The following TTI1 variants were observed in gnomAD, a reference collection of about 807,000 sequenced individuals.
TTI1 encodes the protein TELO2-interacting protein 1 homolog.
TTI1 carries 52 observed loss-of-function variants against 85.4 expected under a neutral mutation model. That is an observed-to-expected ratio of 0.61 (90% CI 0.49 to 0.77). The LOEUF (loss-of-function observed/expected upper bound fraction) is 0.77. TTI1 is among the 30% of genes least tolerant of loss of function. The pLI is 0.00. For synonymous variants in TTI1, 512 were observed against 503.9 expected (o/e 1.02, Z -0.22); for missense variants, 1,173 against 1,296.0 (o/e 0.91, Z 1.46).
rs1358673426 is a variant in TTI1 at position 37,999,194 on chromosome 20, G to T, written c.2787C>A (p.Ala929=). ...TRDAPLAVLR[A]FKVLRTLGSK... ...GGGGATGCTGGTGCAGTACCTTGAAGGCTCTAAGCACTGCCAGGGGGGCGT... is the reference window on the plus strand; with the variant it reads ...GGGGATGCTGGTGCAGTACCTTGAATGCTCTAAGCACTGCCAGGGGGGCGT... Residue 929 remains alanine (A), a synonymous_variant, in exon 5 of 8, where the codon GCC becomes GCA. Coordinates refer to ENST00000373447, the MANE Select transcript of TTI1 (RefSeq NM_001303457.2). The T allele has an allele frequency of 1.4e-6, 2 of 1,443,540 alleles. No homozygotes were observed. The highest frequency in any genetic ancestry group is 2.6e-5 in the Admixed American group (1 of 38,998). The allele number at this position is 1,443,540 out of a possible 1,614,324, so 89.4% of individuals were successfully genotyped here.
intron 7 of TTI1, among the ~76,000 whole-genome samples, chr20:37,992,250 A>T (rs1324777256): frequency 6.6e-6 from 1 of 151,968 alleles, no homozygotes; most frequent in Admixed American, 6.6e-5. Context: ...TTTTTCTATT[A>T]TGAGACTTGT....
At chr20:38,031,461 T>C (rs1007237407) in intron 1 of TTI1, among the ~76,000 whole-genome samples, 1 of 152,232 alleles carries the variant, frequency 6.6e-6, no homozygotes, top group African/African-American at 2.4e-5. Context: ...AAATGACATC[T>C]TATCAATGAG....
chr20:38,026,682 G>A (rs1162551174), intron 1 of TTI1, among the ~76,000 whole-genome samples: 1 of 152,160 alleles, frequency 6.6e-6, no homozygotes, highest in Admixed American at 6.5e-5. Context: ...GCTAAAGAAA[G>A]TTCTCTAAAC....
At chr20:38,008,255 A>C (rs1203228567) in intron 2 of TTI1, among the ~76,000 whole-genome samples, 1 of 152,134 alleles carries the variant, frequency 6.6e-6, no homozygotes. Flanking sequence ...ATACCCTTTA[A>C]ACCAGCATTT....
intron 1 of TTI1, among the ~76,000 whole-genome samples, chr20:38,022,407 T>C (rs1279611053): frequency 6.6e-6 from 1 of 152,246 alleles, no homozygotes; most frequent in East Asian, 1.9e-4. Flanking sequence ...GTTTGTTTAC[T>C]GTTTCTCTCC....
intron 1 of TTI1, among the ~76,000 whole-genome samples, chr20:38,031,646 T>C (rs1464113175): frequency 6.6e-6 from 1 of 152,230 alleles, no homozygotes; most frequent in Non-Finnish European, 1.5e-5. Flanking sequence ...AACGTGGATT[T>C]TGTCTGTTAG....
intron 1 of TTI1, among the ~76,000 whole-genome samples, chr20:38,016,491 G>C (rs2073684685): frequency 6.6e-6 from 1 of 152,164 alleles, no homozygotes; most frequent in Admixed American, 6.5e-5. Flanking sequence ...AACCGTAATA[G>C]AGCTAATGAA....
At chr20:38,002,498 C>T (rs2073439622) in intron 4 of TTI1, 130 bp downstream of exon 4, 12 of 1,195,442 alleles carry the variant, frequency 1.0e-5, no homozygotes, top group Non-Finnish European at 1.2e-5. Context: ...CCTTTTGATG[C>T]CTTCTCTTGG....
At chr20:38,026,371 C>T (rs1185869837) in intron 1 of TTI1, among the ~76,000 whole-genome samples, 1 of 152,150 alleles carries the variant, frequency 6.6e-6, no homozygotes, top group African/African-American at 2.4e-5. Context: ...GTTGGCCAGG[C>T]TGGTCTCAAA....
chr20:37,998,874 TCTC>T (rs2073379465), intron 5 of TTI1, among the ~76,000 whole-genome samples: 2 of 152,222 alleles, frequency 1.3e-5, no homozygotes, highest in South Asian at 4.1e-4. Context: ...TTCCTTAACT[TCTC>T]TGAGCTTCTT....
chr20:38,032,330 G>A (rs974007426), intron 1 of TTI1, among the ~76,000 whole-genome samples: 1 of 152,226 alleles, frequency 6.6e-6, no homozygotes, highest in Non-Finnish European at 1.5e-5. Context: ...GTAAAAGCAT[G>A]TAAGCAAAGA....
chr20:38,012,823 G>A lies in TTI1; in HGVS notation c.994C>T (p.Leu332Phe). 1.2e-6 allele frequency: 2 copies of A among 1,614,196 alleles called. No homozygotes were observed. The highest frequency in any genetic ancestry group is 1.7e-6 in the Non-Finnish European group (2 of 1,180,032). ...ACTAGTCCCACTAAGGCCTTCAGAAGGGGACCAGCACATTCGACCAATGAT... is the reference window on the plus strand; with the variant it reads ...ACTAGTCCCACTAAGGCCTTCAGAAAGGGACCAGCACATTCGACCAATGAT... The part of the protein sequence containing the change: ...SQSLVECAGP[L>F]LKALVGLVND... Residue 332 changes from leucine to phenylalanine, a missense_variant, in exon 2 of 8, where the codon CTT (leucine) becomes TTT (phenylalanine). By Grantham distance (22) the Leu-to-Phe change is conservative. Coordinates refer to ENST00000373447, the MANE Select transcript of TTI1 (RefSeq NM_001303457.2).
At chr20:37,997,439 AAC>A (rs1315506104) in intron 5 of TTI1, among the ~76,000 whole-genome samples, 2 of 152,210 alleles carry the variant, frequency 1.3e-5, no homozygotes, top group Non-Finnish European at 2.9e-5. Context: ...CCCTGGGCTG[AAC>A]CAAGGCAGGG....
At position 37,999,278 on chromosome 20, in the gene TTI1, G is replaced by A. The variant is rs201440713; in HGVS notation, c.2703C>T (p.Asn901=). 3.3e-6 allele frequency: 5 copies of A among 1,524,608 alleles called. No individual in the cohort carries two copies. The East Asian group carries it at 1.0e-4, about 31-fold the overall frequency. 94.4% of individuals were successfully genotyped at this position (1,524,608 alleles called of 1,614,324 possible). A position where few individuals can be genotyped will look rare whatever the true frequency, so the allele number is the denominator to read the frequency against. The change falls in exon 5 of 8, where the codon AAC becomes AAT. Residue 901 remains asparagine, a synonymous_variant. Coordinates refer to ENST00000373447, the MANE Select transcript of TTI1 (RefSeq NM_001303457.2). ...LCVVVLQSHK[N]QLLPLAHQAW... is the part of the protein sequence containing the mutation. The stretch of plus-strand genomic sequence containing the variant: ...CCTGATGAGCCAAGGGAAGCAGCTG[G>A]TTTTTGTGGGACTGAAGAACAACCA...
chr20:38,029,383 C>T (rs554226520), intron 1 of TTI1, among the ~76,000 whole-genome samples: 2 of 152,016 alleles, frequency 1.3e-5, no homozygotes, highest in East Asian at 3.9e-4. Context: ...AAAAGGTAAA[C>T]TCCTACCACA....
intron 5 of TTI1, 131 bp from the exon 6 acceptor site, chr20:37,997,084 T>C (rs546985389): frequency 4.3e-5 from 44 of 1,032,044 alleles, no homozygotes; most frequent in Admixed American, 3.1e-4. Context: ...CTGCTGTTAA[T>C]TCCTTGCCCA....
chr20:38,002,820 A>C lies in TTI1; in HGVS notation c.2504-44T>G, dbSNP rs374460765. On this transcript the variant is annotated intron_variant, in intron 3 of 7. Transcript: ENST00000373447. ...TGGGGGCAGTGTTGTATGAGTGATA[A>C]AACAGAGATACCTAAATTTCTGTTC... 5.0e-6 allele frequency: 8 copies of C among 1,599,394 alleles called. No homozygotes were observed. The African/African-American group carries it at 9.4e-5, about 19-fold the overall frequency.
intron 1 of TTI1, among the ~76,000 whole-genome samples, 174 bp downstream of exon 1, chr20:38,033,230 C>G (rs1276532959): frequency 6.6e-6 from 1 of 152,124 alleles, no homozygotes; most frequent in African/African-American, 2.4e-5. Context: ...GGGGGACAGC[C>G]AGAGAGCCGA....
chr20:38,019,236 A>G (rs957773364), intron 1 of TTI1: 1 of 152,174 alleles, frequency 6.6e-6, no homozygotes, highest in Admixed American at 6.5e-5. Flanking sequence ...CACTAAAAGA[A>G]AAAACAATGT....
Sources: allele counts gnomAD v4.1 joint callset (sites outside exome capture counted in the v4.1 genomes callset), GRCh38; gene constraint gnomAD v4.1.1; transcripts MANE v1.5; gene names NCBI Gene and HGNC (gene_info 2026-07-23, HGNC 2026-07-21).